Variants in ITPR2 observed in about 807,000 individuals in gnomAD.
ITPR2 encodes inositol 1,4,5-trisphosphate receptor type 2.
In ITPR2, 207 loss-of-function variants were observed where a neutral mutation model predicts 317.1. The observed-to-expected ratio is 0.65, with a 90% CI of 0.58 to 0.73. ITPR2 has a LOEUF of 0.73. ITPR2 is among the 30% of genes least tolerant of loss of function. The pLI is 0.00. For synonymous variants in ITPR2, 1,156 were observed against 1,149.1 expected, an observed-to-expected ratio of 1.01 and a Z score of -0.12; for missense variants, 2,613 against 3,284.0, an observed-to-expected ratio of 0.80 and a Z score of 4.99.
chr12:26,442,007 C>T (rs1266137459), intron 46 of ITPR2, among the ~76,000 whole-genome samples: 5 of 152,076 alleles, frequency 3.3e-5, no homozygotes, highest in South Asian at 2.1e-4. Context: ...CAGCCATCTT[C>T]GATATCACCT....
chr12:26,644,379 G>A (rs1178697727), intron 21 of ITPR2, among the ~76,000 whole-genome samples: 1 of 152,138 alleles, frequency 6.6e-6, no homozygotes, highest in Non-Finnish European at 1.5e-5. Flanking sequence ...GCAATAGAAA[G>A]CACCATCTAT....
intron 48 of ITPR2, among the ~76,000 whole-genome samples, chr12:26,430,613 G>A (rs1047504460): frequency 3.9e-5 from 6 of 152,196 alleles, no homozygotes; most frequent in Non-Finnish European, 7.3e-5. Flanking sequence ...GGTGGGAAGG[G>A]AGGAGCATTT....
chr12:26,344,967 T>A (rs986459737), intron 55 of ITPR2, among the ~76,000 whole-genome samples: 5 of 152,124 alleles, frequency 3.3e-5, no homozygotes, highest in Non-Finnish European at 5.9e-5. Context: ...TCTGTCTGTG[T>A]TTTGGTTTGT....
intron 22 of ITPR2, 47 bp from the exon 23 acceptor site, chr12:26,628,209 T>A (rs1203050618): frequency 6.8e-7 from 1 of 1,470,406 alleles, no homozygotes; most frequent in Non-Finnish European, 9.3e-7. Flanking sequence ...ATTAGCATAG[T>A]ATTTAAAAAT....
chr12:26,661,640 G>T (rs745865608), intron 15 of ITPR2, among the ~76,000 whole-genome samples: 1 of 152,112 alleles, frequency 6.6e-6, no homozygotes, highest in Non-Finnish European at 1.5e-5. Flanking sequence ...GACCTGTTAG[G>T]TATTTTTTCT....
chr12:26,705,416 G>T (rs1331122513), intron 9 of ITPR2, among the ~76,000 whole-genome samples: 2 of 152,060 alleles, frequency 1.3e-5, no homozygotes, highest in African/African-American at 4.8e-5. Context: ...TTTTCCAGGT[G>T]CTTCTGGCTT....
At chr12:26,600,137 G>C in intron 28 of ITPR2, 28 bp from the exon 29 acceptor site, 1 of 1,587,512 alleles carries the variant, frequency 6.3e-7, no homozygotes, top group African/African-American at 1.3e-5. Context: ...GCACATGATA[G>C]AAACAAACAT....
chr12:26,596,965 A>ACATTTTTC lies in ITPR2; in HGVS notation c.4164_4171dup (p.Val1391GlyfsTer19). The ACATTTTTC allele has an allele frequency of 6.2e-7, 1 of 1,612,460 alleles. No individual in the cohort carries two copies. The highest frequency in any genetic ancestry group is 8.5e-7 in the Non-Finnish European group (1 of 1,179,132). On this transcript the variant is annotated frameshift_variant, in exon 31 of 57. Transcript: ENST00000381340. LOFTEE classifies it high-confidence loss of function. ...GGAATTACACTTGATTTCAGTGTAG[A>ACATTTTTC]CATTTTTCCCCTCTGTGCATGCTGC...
chr12:26,354,171 G>A (rs1309636103), intron 55 of ITPR2, among the ~76,000 whole-genome samples: 2 of 152,116 alleles, frequency 1.3e-5, no homozygotes, highest in African/African-American at 2.4e-5. Context: ...CTACTCAGGA[G>A]ACTGAGGCAG....
chr12:26,683,469 T>A (rs11048648), intron 11 of ITPR2, among the ~76,000 whole-genome samples: 30,027 of 152,206 alleles, frequency 0.2, 3,773 homozygotes, highest in East Asian at 0.56. Flanking sequence ...AAGGTTGTGA[T>A]GTGCCTTACA....
chr12:26,777,207 G>A (rs912726683), intron 2 of ITPR2, among the ~76,000 whole-genome samples: 1 of 152,190 alleles, frequency 6.6e-6, no homozygotes, highest in Non-Finnish European at 1.5e-5. Flanking sequence ...GATCTCCCTT[G>A]GTTTAATGTG....
At chr12:26,713,671 G>A (rs1329862220) in intron 8 of ITPR2, among the ~76,000 whole-genome samples, 1 of 152,132 alleles carries the variant, frequency 6.6e-6, no homozygotes, top group African/African-American at 2.4e-5. Flanking sequence ...CCTTTTAACA[G>A]ACTCAGAACC....
At chr12:26,504,414 T>C (rs1456103786) in intron 37 of ITPR2, among the ~76,000 whole-genome samples, 2 of 152,018 alleles carry the variant, frequency 1.3e-5, no homozygotes, top group East Asian at 1.9e-4. Flanking sequence ...TGTTTATAAA[T>C]CATTAAGAAT....
At chr12:26,811,443 T>C (rs1950743904) in intron 1 of ITPR2, among the ~76,000 whole-genome samples, 1 of 150,114 alleles carries the variant, frequency 6.7e-6, no homozygotes, top group Middle Eastern at 3.5e-3. Flanking sequence ...ACCCCATCTC[T>C]ACTAAAAAAT....
chr12:26,736,975 G>C (rs547022367), intron 2 of ITPR2, among the ~76,000 whole-genome samples: 1 of 152,310 alleles, frequency 6.6e-6, no homozygotes, highest in African/African-American at 2.4e-5. Context: ...AAAACAAAGA[G>C]TTGGCATAAT....
At chr12:26,673,300 A>C (rs1947832357) in intron 13 of ITPR2, among the ~76,000 whole-genome samples, 2 of 152,306 alleles carry the variant, frequency 1.3e-5, no homozygotes, top group South Asian at 4.2e-4. Flanking sequence ...CCTCAATAAA[A>C]TACTGGCAAA....
intron 48 of ITPR2, among the ~76,000 whole-genome samples, chr12:26,431,778 A>C (rs16930669): frequency 0.16 from 24,053 of 152,212 alleles, 2,468 homozygotes; most frequent in East Asian, 0.37. Flanking sequence ...TTTGAGCACA[A>C]GAAACTCCTA....
chr12:26,384,911 T>A (rs567786125), intron 55 of ITPR2, among the ~76,000 whole-genome samples: 11 of 152,166 alleles, frequency 7.2e-5, no homozygotes, highest in Non-Finnish European at 1.6e-4. Flanking sequence ...AAGTTTTCTC[T>A]TCTGTCTTTA....
intron 21 of ITPR2, among the ~76,000 whole-genome samples, chr12:26,651,599 T>C (rs1018190391): frequency 1.3e-5 from 2 of 152,250 alleles, no homozygotes; most frequent in African/African-American, 4.8e-5. Context: ...TACAATATTC[T>C]TCTGCTTCAC....
Sources: gnomAD v4.1 joint callset for allele counts (sites outside exome capture counted in the v4.1 genomes callset) on GRCh38, gnomAD v4.1.1 for gene constraint, MANE v1.5 for transcripts, NCBI Gene and HGNC (gene_info 2026-07-23, HGNC 2026-07-21) for gene names.